Variants in COG2 observed in about 807,000 individuals in gnomAD.
COG2 encodes the protein component of oligomeric golgi complex 2, also known as conserved oligomeric Golgi complex subunit 2.
Under a neutral mutation model 90.6 loss-of-function variants are expected in COG2, and 52 were observed. The observed-to-expected ratio is 0.57, with a 90% CI of 0.46 to 0.72. COG2 has a LOEUF of 0.72. Ranked by LOEUF, COG2 falls within the 30% of genes least tolerant of loss-of-function variation. The pLI, the probability that COG2 is intolerant of heterozygous loss-of-function variation, is 0.00. For missense variants in COG2, 829 were observed against 891.2 expected, an observed-to-expected ratio of 0.93 and a Z score of 0.89; for synonymous variants, 337 against 320.4, an observed-to-expected ratio of 1.05 and a Z score of -0.55.
chr1:230,677,921 G>C (rs559235571), intron 9 of COG2: 1 of 579,608 alleles, frequency 1.7e-6, no homozygotes, highest in South Asian at 7.5e-5. Context: ...CAAAAGGGAA[G>C]AATAATCCCT....
At chr1:230,688,594 G>A (rs1662944253) in intron 15 of COG2, 32 bp downstream of exon 15, 1 of 1,611,744 alleles carries the variant, frequency 6.2e-7, no homozygotes, top group Non-Finnish European at 8.5e-7. Flanking sequence ...GAATTTTGAG[G>A]TGGGGAAGTG....
Position 230,675,392 on chromosome 1 carries a change from A to G in COG2, c.1026+268A>G, listed in dbSNP as rs535689317. Among the ~76,000 whole-genome samples, 4 of 152,328 alleles carry G rather than the reference A, an allele frequency of 2.6e-5. No individual in the cohort carries two copies. The South Asian group carries it at 6.2e-4, about 24-fold the overall frequency. ...TGAGTAGAAATGTACATTATTTTCTAACTTTCTTAAAAACATCCTGAGGAC... is the reference window on the plus strand; with the variant it reads ...TGAGTAGAAATGTACATTATTTTCTGACTTTCTTAAAAACATCCTGAGGAC... On this transcript the variant is annotated intron_variant, in intron 9 of 17. Transcript: ENST00000366669.
intron 10 of COG2, chr1:230,682,397 A>T (rs2102768911): frequency 6.6e-6 from 1 of 152,338 alleles, no homozygotes; most frequent in African/African-American, 2.4e-5. Context: ...GTGCTCTCTT[A>T]TCCCACTTTT....
chr1:230,662,055 C>G (rs1482063452), intron 3 of COG2, among the ~76,000 whole-genome samples: 1 of 152,014 alleles, frequency 6.6e-6, no homozygotes, highest in African/African-American at 2.4e-5. Flanking sequence ...CCTCTTCTCT[C>G]CTCTCCAAAT....
chr1:230,671,573 A>G lies in COG2; in HGVS notation c.832A>G (p.Lys278Glu). 6.2e-7 allele frequency: 1 copy of G among 1,613,762 alleles called. No homozygotes were observed. Among genetic ancestry groups the G allele is most frequent in the Non-Finnish European group, 8.5e-7 (1 of 1,179,752 alleles). ...CAATGGCCTTCAGGTCATGTATAATAAACTCCTGGAGTTTGTTCCTCACCA... is the reference window on the plus strand; with the variant it reads ...CAATGGCCTTCAGGTCATGTATAATGAACTCCTGGAGTTTGTTCCTCACCA... ...HPNGLQVMYNKLLEFVPHHCR... is the reference protein window; with the variant it reads ...HPNGLQVMYNELLEFVPHHCR... The change falls in exon 8 of 18, where the codon AAA (lysine) becomes GAA (glutamate). Residue 278 changes from lysine to glutamate, a missense_variant. Coordinates refer to ENST00000366669, the MANE Select transcript of COG2 (RefSeq NM_007357.3).
intron 8 of COG2, among the ~76,000 whole-genome samples, chr1:230,673,509 A>G (rs1662507931): frequency 6.6e-6 from 1 of 152,244 alleles, no homozygotes; most frequent in Non-Finnish European, 1.5e-5. Flanking sequence ...ATCAACTGTT[A>G]ATCTTGCAGG....
Position 230,693,198 on chromosome 1 carries a change from G to A in COG2, c.2116-94G>A, listed in dbSNP as rs1046138884. 8.2e-6 allele frequency: 6 copies of A among 733,406 alleles called. No homozygotes were observed. In the African/African-American group the frequency reaches 1.0e-4, roughly 13 times the overall value. The allele number at this position is 733,406 out of a possible 1,614,324, so 45.4% of individuals were successfully genotyped here. A position where few individuals can be genotyped will look rare whatever the true frequency, so the allele number is the denominator to read the frequency against. On this transcript the variant is annotated intron_variant, in intron 17 of 17. Transcript: ENST00000366669. ...CAAGTCTTCAGGGAACTGTCTTCTG[G>A]TTTAGTAGAGGATGAAGATTTTCTT...
chr1:230,667,017 TC>T (rs1662336927), intron 5 of COG2, among the ~76,000 whole-genome samples: 2 of 152,162 alleles, frequency 1.3e-5, no homozygotes, highest in African/African-American at 4.8e-5. Context: ...TAGCAAGTCT[TC>T]CCTGACCTTT....
Position 230,683,588 on chromosome 1 carries a change from C to T in COG2, c.1181C>T (p.Ala394Val), listed in dbSNP as rs753073596. 1.1e-5 allele frequency: 17 copies of T among 1,610,780 alleles called. No homozygotes were observed. Among genetic ancestry groups the T allele is most frequent in the South Asian group, 6.6e-5 (6 of 91,008 alleles). ...TTTTATCTCAGATTTAGAGAAATAG[C>T]GGGATCCTTAGAAGCAGCACTTACA... ...VYFQIRFREI[A>V]GSLEAALTDV... Residue 394 changes from alanine to valine, a missense_variant, in exon 11 of 18, where the codon GCG becomes GTG. Ala to Val is a moderately conservative substitution (Grantham distance 64). Transcript: ENST00000366669.
Position 230,691,495 on chromosome 1 carries a change from T to G in COG2, c.2046T>G (p.Ser682Arg). 6.2e-7 allele frequency: 1 copy of G among 1,614,050 alleles called. No homozygotes were observed. The highest frequency in any genetic ancestry group is 1.3e-5 in the African/African-American group (1 of 75,010). ...CTCCCGCCAACCCCGTCGGTCCCAG[T>G]GGTGGCATGAGCGACGACGACAAAA... The part of the protein sequence containing the change: ...KTTPANPVGP[S>R]GGMSDDDKIR... Residue 682 changes from serine to arginine, a missense_variant, in exon 17 of 18, where the codon AGT becomes AGG. Coordinates refer to ENST00000366669, the MANE Select transcript of COG2 (RefSeq NM_007357.3).
In COG2 at chr1:230,688,473, A is replaced by G. The variant is rs767344248; in HGVS notation, c.1705A>G (p.Ser569Gly). The G allele has an allele frequency of 6.2e-7, 1 of 1,614,126 alleles. No homozygotes were observed. Among genetic ancestry groups the G allele is most frequent in the Admixed American group, 1.7e-5 (1 of 60,026 alleles). Residue 569 changes from serine (S) to glycine (G), a missense_variant, in exon 15 of 18, where the codon AGC (serine) becomes GGC (glycine). Ser to Gly is a moderately conservative substitution (Grantham distance 56). Transcript: ENST00000366669. The stretch of plus-strand genomic sequence containing the variant: ...TTCAGCCTGTGTGCCCTCCTTGAGT[A>G]GCAAGATCATCCAGGATTTAAGTGA... The part of the protein sequence containing the change: ...SFSACVPSLS[S>G]KIIQDLSDSC...
chr1:230,664,400 G>A (rs924069138), intron 4 of COG2, 84 bp from the exon 5 acceptor site: 5 of 505,870 alleles, frequency 9.9e-6, no homozygotes, highest in Admixed American at 8.1e-5. Flanking sequence ...TTTTGACTTT[G>A]TATTTTCCTG....
rs60867945 is a variant in COG2 at position 230,667,125 on chromosome 1, G to C, written c.486-1551G>C. 8.5e-5 allele frequency among the ~76,000 whole-genome samples: 13 copies of C among 152,272 alleles called. No individual in the cohort carries two copies. In the East Asian group the frequency reaches 2.3e-3, roughly 27 times the overall value. On this transcript the variant is annotated intron_variant, in intron 5 of 17. Coordinates refer to ENST00000366669, the MANE Select transcript of COG2 (RefSeq NM_007357.3). ...ACTGGAACTGTTGATTGGCTTGCAT[G>C]CCTTCTCAGTCTATAAGGCCCCTGA...
At chr1:230,666,307 T>C (rs1451992630) in intron 5 of COG2, among the ~76,000 whole-genome samples, 3 of 152,158 alleles carry the variant, frequency 2.0e-5, no homozygotes, top group African/African-American at 7.2e-5. Flanking sequence ...TTCTCCTTTT[T>C]TAAACTTCAT....
rs1662859809 is a variant in COG2 at position 230,685,254 on chromosome 1, A to C, written c.1380+18A>C. 6.2e-7 allele frequency: 1 copy of C among 1,613,364 alleles called. No homozygotes were observed. Among genetic ancestry groups the C allele is most frequent in the Non-Finnish European group, 8.5e-7 (1 of 1,179,768 alleles). On this transcript the variant is annotated intron_variant, in intron 12 of 17. Coordinates refer to ENST00000366669, the MANE Select transcript of COG2 (RefSeq NM_007357.3). ...TCAATGAGGTAAGGGCTGGCTGTGG[A>C]GCTCATCCATAATCAATACTGATAA...
At position 230,689,996 on chromosome 1, in the gene COG2, C is replaced by T. The variant is rs766685759; in HGVS notation, c.1795-18C>T. The T allele has an allele frequency of 1.3e-6, 2 of 1,565,554 alleles. No homozygotes were observed. The highest frequency in any genetic ancestry group is 2.4e-5 in the South Asian group (2 of 83,650). On this transcript the variant is annotated intron_variant, in intron 15 of 17. Coordinates refer to ENST00000366669, the MANE Select transcript of COG2 (RefSeq NM_007357.3). ...TTTTTTTCCTGTGCATCTTTATCTC[C>T]TACCATCATCATTCCAGGAGGTCCC...
chr1:230,674,666 T>C (rs1170009560), intron 8 of COG2, among the ~76,000 whole-genome samples: 1 of 152,214 alleles, frequency 6.6e-6, no homozygotes, highest in Non-Finnish European at 1.5e-5. Flanking sequence ...TAGACTACTG[T>C]ACTTTTTGTT....
intron 10 of COG2, 105 bp from the exon 11 acceptor site, chr1:230,683,469 G>C: frequency 1.3e-6 from 1 of 781,370 alleles, no homozygotes; most frequent in Admixed American, 1.9e-5. Context: ...ACTTACCAGT[G>C]AGTGACAGAG....
chr1:230,642,726 G>A lies in COG2; in HGVS notation c.72+48G>A, dbSNP rs1308250256. On this transcript the variant is annotated intron_variant, in intron 1 of 17. Coordinates refer to ENST00000366669, the MANE Select transcript of COG2 (RefSeq NM_007357.3). ...GGAGCCGGGCCATGAGGGTGCCTCT[G>A]CCCTGTGCCCTCTGTGGCGGTCTCT... The A allele has an allele frequency of 3.2e-6, 5 of 1,570,312 alleles. No homozygotes were observed. In the South Asian group the frequency reaches 3.5e-5, roughly 11 times the overall value.
Sources: gnomAD v4.1 joint callset for allele counts (sites outside exome capture counted in the v4.1 genomes callset) on GRCh38, gnomAD v4.1.1 for gene constraint, MANE v1.5 for transcripts, NCBI Gene and HGNC (gene_info 2026-07-23, HGNC 2026-07-21) for gene names.